The following PDE1C variants were observed in gnomAD, a reference collection of about 807,000 sequenced individuals.
PDE1C encodes phosphodiesterase 1C.
A neutral mutation model predicts 93.1 loss-of-function variants in PDE1C; 62 were observed. The observed-to-expected ratio is 0.67, with a 90% CI of 0.54 to 0.82. PDE1C has a LOEUF of 0.82. Among genes scored for constraint, PDE1C ranks in the 40% least tolerant of loss-of-function variants. PDE1C has a pLI of 0.00. For synonymous variants in PDE1C, 325 were observed against 310.1 expected (o/e 1.05, Z -0.50); for missense variants, 742 against 884.6 (o/e 0.84, Z 2.04).
chr7:31,774,629 A>G (rs1471469653), intron 17 of PDE1C, among the ~76,000 whole-genome samples: 1 of 152,250 alleles, frequency 6.6e-6, no homozygotes, highest in Non-Finnish European at 1.5e-5. Context: ...TAAATTATCA[A>G]TAGACATATA....
At chr7:31,964,686 C>T (rs1016007653) in intron 2 of PDE1C, among the ~76,000 whole-genome samples, 1 of 152,224 alleles carries the variant, frequency 6.6e-6, no homozygotes, top group Non-Finnish European at 1.5e-5. Context: ...CCCCGAGTAG[C>T]CTAACTGGGA....
intron 2 of PDE1C, among the ~76,000 whole-genome samples, chr7:32,018,289 T>C (rs954477850): frequency 6.6e-6 from 1 of 152,042 alleles, no homozygotes; most frequent in African/African-American, 2.4e-5. Context: ...AGTTACCACA[T>C]GACCCAGTAA....
chr7:32,411,353 A>G (rs532323924), intron 1 of PDE1C, among the ~76,000 whole-genome samples: 58 of 152,372 alleles, frequency 3.8e-4, no homozygotes, highest in African/African-American at 1.4e-3. Context: ...AGCCTACTAC[A>G]TACCTGGGCT....
chr7:31,711,631 G>GTA, the PDE1C span, among the ~76,000 whole-genome samples: 3 of 152,132 alleles, frequency 2.0e-5, no homozygotes, highest in Admixed American at 6.6e-5. Context: ...GAATGAGTAA[G>GTA]TATATTAATA....
intron 3 of PDE1C, among the ~76,000 whole-genome samples, chr7:32,084,115 T>G (rs575302148): frequency 0.011 from 1,623 of 152,132 alleles, 24 homozygotes; most frequent in African/African-American, 0.037. Flanking sequence ...CCATCTCACG[T>G]GCAGAGACAC....
intron 2 of PDE1C, among the ~76,000 whole-genome samples, chr7:32,175,585 C>T (rs183196304): frequency 6.6e-6 from 1 of 152,292 alleles, no homozygotes; most frequent in East Asian, 1.9e-4. Flanking sequence ...CATCTCTGCA[C>T]TCAAGAAGCT....
intron 1 of PDE1C, among the ~76,000 whole-genome samples, chr7:32,269,866 T>C (rs1351081683): frequency 6.6e-6 from 1 of 152,202 alleles, no homozygotes; most frequent in Admixed American, 6.5e-5. Context: ...CTTGAACTCT[T>C]GGGCTCAAAG....
chr7:32,089,124 A>G (rs1195855367), intron 3 of PDE1C, among the ~76,000 whole-genome samples: 3 of 152,248 alleles, frequency 2.0e-5, no homozygotes, highest in Admixed American at 2.0e-4. Context: ...TCCAGAGGGC[A>G]TATCGCAAAG....
chr7:32,076,774 C>A (rs2128732734), intron 3 of PDE1C, among the ~76,000 whole-genome samples: 1 of 151,988 alleles, frequency 6.6e-6, no homozygotes, highest in East Asian at 1.9e-4. Context: ...TCCTGCTATG[C>A]CTGAAGCCAG....
At chr7:32,132,320 C>T (rs953885819) in intron 3 of PDE1C, among the ~76,000 whole-genome samples, 79 of 152,144 alleles carry the variant, frequency 5.2e-4, no homozygotes, top group African/African-American at 1.9e-3. Context: ...AATGGGAAGC[C>T]ATTGGAAGGT....
chr7:31,890,595 A>G (rs1798499021), intron 2 of PDE1C, among the ~76,000 whole-genome samples: 1 of 152,182 alleles, frequency 6.6e-6, no homozygotes. Context: ...GAGGAGCTAA[A>G]GCTCCCTCAG....
chr7:31,769,968 T>C (rs1795378727), intron 17 of PDE1C, among the ~76,000 whole-genome samples: 1 of 152,246 alleles, frequency 6.6e-6, no homozygotes, highest in South Asian at 2.1e-4. Flanking sequence ...GATTAACTTT[T>C]TGAAAAACAG....
chr7:31,729,242 G>T, the PDE1C span, among the ~76,000 whole-genome samples: 1 of 152,164 alleles, frequency 6.6e-6, no homozygotes, highest in African/African-American at 2.4e-5. Context: ...CACTTGGGCC[G>T]TTCTGGGAAA....
downstream of PDE1C, among the ~76,000 whole-genome samples, chr7:31,747,240 T>C (rs956956453): frequency 1.3e-5 from 2 of 152,158 alleles, no homozygotes; most frequent in African/African-American, 4.8e-5. Flanking sequence ...AGCAGTGCAA[T>C]CAAAGGACCT....
intron 3 of PDE1C, among the ~76,000 whole-genome samples, chr7:32,159,626 G>C (rs1801788261): frequency 6.6e-6 from 1 of 152,142 alleles, no homozygotes. Context: ...CCCCAAGCCT[G>C]GTACTGGGGA....
At chr7:32,113,519 A>G (rs1476020547) in intron 3 of PDE1C, among the ~76,000 whole-genome samples, 1 of 151,534 alleles carries the variant, frequency 6.6e-6, no homozygotes, top group African/African-American at 2.4e-5. Context: ...TTATGAGATT[A>G]CTTAGAAATA....
At chr7:32,068,652 G>GT (rs770359772) in intron 1 of PDE1C, among the ~76,000 whole-genome samples, 3 of 152,224 alleles carry the variant, frequency 2.0e-5, no homozygotes, top group Non-Finnish European at 2.9e-5. Flanking sequence ...ACGCAGTGTT[G>GT]TAAGTGCTAA....
In PDE1C at chr7:32,080,659, G is replaced by T. The variant is rs116006769; in HGVS notation, c.308+89126C>A. Among the ~76,000 whole-genome samples, 275 of 152,290 alleles carry T rather than the reference G, an allele frequency of 1.8e-3. 2 individuals are homozygous for T. Among genetic ancestry groups the T allele is most frequent in the African/African-American group, 6.3e-3 (261 of 41,562 alleles). ...TTTTCATGTGACTCAGCACACAAGGGGAATGAGGGATATTAACTACTCCTG... is the reference window on the plus strand; with the variant it reads ...TTTTCATGTGACTCAGCACACAAGGTGAATGAGGGATATTAACTACTCCTG... On this transcript the variant is annotated intron_variant, in intron 3 of 18. Coordinates refer to the PDE1C transcript ENST00000396193.
the PDE1C span, among the ~76,000 whole-genome samples, chr7:31,691,774 C>A: frequency 1.9e-5 from 2 of 103,184 alleles, no homozygotes; most frequent in African/African-American, 3.7e-5. Context: ...TTACTTTATA[C>A]AATAGTTGTA....
Sources: gnomAD v4.1 joint callset for allele counts (sites outside exome capture counted in the v4.1 genomes callset) on GRCh38, gnomAD v4.1.1 for gene constraint, MANE v1.5 for transcripts, NCBI Gene and HGNC (gene_info 2026-07-23, HGNC 2026-07-21) for gene names.